The following MACROD2 variants were observed in gnomAD, a reference collection of about 807,000 sequenced individuals.
The protein encoded by MACROD2 is ADP-ribose glycohydrolase MACROD2.
MACROD2 carries 36 observed loss-of-function variants against 70.4 expected under a neutral mutation model. The observed-to-expected ratio is 0.51, with a 90% CI of 0.39 to 0.68. MACROD2 has a LOEUF of 0.68. Among genes scored for constraint, MACROD2 ranks in the 30% least tolerant of loss-of-function variants. The pLI is 0.00. For synonymous variants in MACROD2, 172 were observed against 178.8 expected (o/e 0.96, Z 0.30); for missense variants, 496 against 538.4 (o/e 0.92, Z 0.78).
chr20:15,296,814 T>A (rs1285106137), intron 6 of MACROD2, among the ~76,000 whole-genome samples: 1 of 152,212 alleles, frequency 6.6e-6, no homozygotes, highest in Non-Finnish European at 1.5e-5. Flanking sequence ...ACTCCATAAG[T>A]GGATGTTAAT....
intron 5 of MACROD2, among the ~76,000 whole-genome samples, chr20:14,877,570 G>A (rs1214404602): frequency 1.3e-5 from 2 of 152,048 alleles, no homozygotes; most frequent in East Asian, 1.9e-4. Flanking sequence ...CCCATTTAGT[G>A]TGACATTGGC....
chr20:14,049,180 A>AAAAAAC (rs1222088670), intron 2 of MACROD2, among the ~76,000 whole-genome samples: 2 of 94,376 alleles, frequency 2.1e-5, no homozygotes, highest in South Asian at 4.0e-4. Flanking sequence ...TTAATAAAAA[A>AAAAAAC]AAAAAAAAAC....
chr20:15,157,926 C>CTG (rs769406891), intron 5 of MACROD2, among the ~76,000 whole-genome samples: 2 of 152,174 alleles, frequency 1.3e-5, no homozygotes, highest in Non-Finnish European at 2.9e-5. Context: ...CTCCCCATTG[C>CTG]TGTGAACCTC....
intron 3 of MACROD2, among the ~76,000 whole-genome samples, chr20:14,125,958 T>C (rs2054643751): frequency 6.6e-6 from 1 of 152,222 alleles, no homozygotes; most frequent in Non-Finnish European, 1.5e-5. Context: ...TGTTTTGTTA[T>C]AATACTCTCT....
intron 5 of MACROD2, among the ~76,000 whole-genome samples, chr20:15,151,975 G>A (rs904257930): frequency 1.3e-5 from 2 of 151,942 alleles, no homozygotes; most frequent in African/African-American, 4.8e-5. Flanking sequence ...TTGGGGTTGG[G>A]ACTGAGGGGA....
intron 7 of MACROD2, 95 bp downstream of exon 7, chr20:15,431,530 T>C (rs1881361575): frequency 8.5e-7 from 1 of 1,179,190 alleles, no homozygotes; most frequent in East Asian, 2.4e-5. Flanking sequence ...CTGATGAATA[T>C]ATTTTGCTGT....
chr20:15,211,072 A>G (rs959187424), intron 5 of MACROD2, among the ~76,000 whole-genome samples: 1 of 152,194 alleles, frequency 6.6e-6, no homozygotes, highest in East Asian at 1.9e-4. Context: ...CTTAAAAAAG[A>G]TTCTATACCC....
chr20:14,344,293 G>T (rs751742836), intron 3 of MACROD2, among the ~76,000 whole-genome samples: 19 of 152,118 alleles, frequency 1.2e-4, no homozygotes, highest in Non-Finnish European at 2.8e-4. Context: ...GATTTTCGGG[G>T]ATCAAGTATC....
At chr20:15,282,076 C>T (rs911164720) in intron 6 of MACROD2, among the ~76,000 whole-genome samples, 1 of 152,202 alleles carries the variant, frequency 6.6e-6, no homozygotes, top group African/African-American at 2.4e-5. Context: ...TACATTGGCC[C>T]CTTTTAGCCA....
At chr20:14,801,863 C>T (rs1023843047) in intron 5 of MACROD2, among the ~76,000 whole-genome samples, 3 of 152,050 alleles carry the variant, frequency 2.0e-5, no homozygotes, top group African/African-American at 4.8e-5. Flanking sequence ...TTTCCTTTCA[C>T]GGCTTCCAGT....
chr20:14,215,045 CAT>C (rs1273887311), intron 3 of MACROD2, among the ~76,000 whole-genome samples: 38 of 147,444 alleles, frequency 2.6e-4, no homozygotes, highest in Middle Eastern at 7.4e-3. Context: ...TATATTCCAT[CAT>C]ATATATATAT....
In MACROD2 at chr20:15,191,857, G is replaced by A. The variant is rs188375719; in HGVS notation, c.419-38083G>A. 1.5e-4 allele frequency among the ~76,000 whole-genome samples: 23 copies of A among 151,270 alleles called. No homozygotes were observed. In the East Asian group the frequency reaches 2.7e-3, roughly 18 times the overall value. ...GGTGAAATTTTGCCTGATTCATGAA[G>A]CATTTAAGTTATATAACAACAACCA... On this transcript the variant is annotated intron_variant, in intron 5 of 17. Coordinates refer to ENST00000684519, the MANE Select transcript of MACROD2 (RefSeq NM_001351661.2).
intron 8 of MACROD2, among the ~76,000 whole-genome samples, chr20:15,632,210 AAAAT>A (rs1224465121): frequency 1.3e-5 from 2 of 151,658 alleles, no homozygotes; most frequent in Non-Finnish European, 2.9e-5. Flanking sequence ...GAATAAAAAT[AAAAT>A]AAATAAAAAG....
chr20:15,747,423 T>C (rs1361669807), intron 8 of MACROD2, among the ~76,000 whole-genome samples: 1 of 152,160 alleles, frequency 6.6e-6, no homozygotes, highest in Non-Finnish European at 1.5e-5. Flanking sequence ...GGATCACACA[T>C]AGGTTTTCAG....
intron 10 of MACROD2, among the ~76,000 whole-genome samples, chr20:15,898,480 G>A (rs1158251931): frequency 6.6e-6 from 1 of 151,186 alleles, no homozygotes; most frequent in Non-Finnish European, 1.5e-5. Flanking sequence ...GAACCTGGGA[G>A]GCGGAGGTTG....
intron 5 of MACROD2, among the ~76,000 whole-genome samples, chr20:15,206,486 T>C (rs1177761104): frequency 6.6e-6 from 1 of 152,084 alleles, no homozygotes; most frequent in Non-Finnish European, 1.5e-5. Context: ...ATTACGTACA[T>C]ACATCAATCA....
chr20:15,337,506 A>G (rs1437680077), intron 6 of MACROD2, among the ~76,000 whole-genome samples: 1 of 151,820 alleles, frequency 6.6e-6, no homozygotes. Flanking sequence ...AATAAAAATT[A>G]CATATATTTG....
intron 5 of MACROD2, among the ~76,000 whole-genome samples, chr20:15,030,262 C>T (rs186195850): frequency 1.5e-3 from 230 of 152,174 alleles, no homozygotes; most frequent in African/African-American, 5.2e-3. Context: ...TAAAGCAGTC[C>T]TCAGCCTGGG....
intron 6 of MACROD2, among the ~76,000 whole-genome samples, chr20:15,239,744 A>G (rs1239473940): frequency 6.6e-6 from 1 of 152,184 alleles, no homozygotes; most frequent in East Asian, 1.9e-4. Flanking sequence ...TGACTCAAGG[A>G]GAAAGAAGCC....
Sources: allele counts gnomAD v4.1 joint callset (sites outside exome capture counted in the v4.1 genomes callset), GRCh38; gene constraint gnomAD v4.1.1; transcripts MANE v1.5; gene names NCBI Gene and HGNC (gene_info 2026-07-23, HGNC 2026-07-21).